The following ZNF69 variants were observed in gnomAD, a reference collection of about 807,000 sequenced individuals.
ZNF69 encodes ZNF3.
ZNF69 carries 47 observed loss-of-function variants against 50.9 expected under a neutral mutation model. The ratio of observed to expected loss-of-function variants is 0.92; its 90% CI spans 0.73 to 1.18. ZNF69 has a LOEUF of 1.18. Among genes scored for constraint, ZNF69 ranks in the 50% most tolerant of loss-of-function variants. The probability of loss-of-function intolerance (pLI) is 0.00; values close to 1 mark genes in which losing one functional copy is unlikely to be tolerated. For synonymous variants in ZNF69, 216 were observed against 223.1 expected, an observed-to-expected ratio of 0.97 and a Z score of 0.29; for missense variants, 717 against 675.1, an observed-to-expected ratio of 1.06 and a Z score of -0.69.
chr19:11,958,871 G>A, the ZNF69 span, among the ~76,000 whole-genome samples: 1 of 152,048 alleles, frequency 6.6e-6, no homozygotes, highest in Non-Finnish European at 1.5e-5. Flanking sequence ...TCATTCGTTT[G>A]TTTGCTCATT....
At chr19:11,945,177 A>T in the ZNF69 span, among the ~76,000 whole-genome samples, 1 of 152,194 alleles carries the variant, frequency 6.6e-6, no homozygotes, top group South Asian at 2.1e-4. Flanking sequence ...CCTTTAACTC[A>T]TGAAAGGCTC....
intron 1 of ZNF69, among the ~76,000 whole-genome samples, chr19:11,891,463 AAG>A (rs1341388372): frequency 6.6e-6 from 1 of 151,676 alleles, no homozygotes; most frequent in Non-Finnish European, 1.5e-5. Context: ...GGAAGGAAGG[AAG>A]AGAGTGATTC....
At chr19:11,963,785 G>A in the ZNF69 span, among the ~76,000 whole-genome samples, 1 of 152,112 alleles carries the variant, frequency 6.6e-6, no homozygotes, top group East Asian at 1.9e-4. Context: ...CCGCGCTGCT[G>A]TAGAGCCCAG....
downstream of ZNF69, among the ~76,000 whole-genome samples, chr19:11,908,369 A>C (rs1972409707): frequency 2.6e-5 from 4 of 152,244 alleles, 1 homozygote; most frequent in South Asian, 8.3e-4. Flanking sequence ...CAGAATATAC[A>C]TTCTTCTCAG....
chr19:11,955,418 A>C, the ZNF69 span, among the ~76,000 whole-genome samples: 1 of 146,282 alleles, frequency 6.8e-6, no homozygotes, highest in African/African-American at 2.5e-5. Flanking sequence ...TTTTGAGACA[A>C]GGTCTGGCTC....
the ZNF69 span, chr19:11,947,655 A>G: frequency 1.1e-5 from 14 of 1,284,000 alleles, no homozygotes; most frequent in Non-Finnish European, 1.4e-5. Context: ...AAGTAAAACA[A>G]AGAACTAAAT....
the ZNF69 span, chr19:11,925,277 C>T: frequency 1.9e-6 from 3 of 1,611,282 alleles, no homozygotes; most frequent in East Asian, 2.2e-5. Context: ...GGAAATGGTG[C>T]GTGTGCGGGA....
At chr19:11,971,653 A>T in the ZNF69 span, among the ~76,000 whole-genome samples, 3 of 152,370 alleles carry the variant, frequency 2.0e-5, no homozygotes, top group East Asian at 5.8e-4. Context: ...TTAAGGACAC[A>T]TGACATTTTT....
chr19:11,958,951 C>T, the ZNF69 span, among the ~76,000 whole-genome samples: 20 of 152,134 alleles, frequency 1.3e-4, no homozygotes, highest in African/African-American at 4.3e-4. Flanking sequence ...GGCGTGATCT[C>T]GGCTCACTGC....
At chr19:11,963,528 G>A in the ZNF69 span, among the ~76,000 whole-genome samples, 1 of 152,070 alleles carries the variant, frequency 6.6e-6, no homozygotes, top group African/African-American at 2.4e-5. Context: ...TCCATAAGGG[G>A]GTGAGCTTGC....
chr19:11,897,786 G>A (rs1170596108), intron 1 of ZNF69, among the ~76,000 whole-genome samples: 2 of 150,298 alleles, frequency 1.3e-5, no homozygotes, highest in African/African-American at 4.9e-5. Context: ...GCAGGAGAAT[G>A]GCATGAACCC....
rs1489241593 is a variant in ZNF69 at position 11,905,583 on chromosome 19, G to A, written c.1186G>A (p.Ala396Thr). 2.5e-6 allele frequency: 4 copies of A among 1,613,886 alleles called. No individual in the cohort carries two copies. The highest frequency in any genetic ancestry group is 3.4e-6 in the Non-Finnish European group (4 of 1,180,004). ...CTATAAATGCAAGCAATGTGGTAAA[G>A]CCTTCATTCATTCCAGTTCCCTTCG... ...KPYKCKQCGKAFIHSSSLRYH... is the reference protein window; with the variant it reads ...KPYKCKQCGKTFIHSSSLRYH... The change falls in exon 4 of 4, where the codon GCC becomes ACC. Residue 396 changes from alanine to threonine, a missense_variant. Transcript: ENST00000429654.
At chr19:11,943,402 G>A in the ZNF69 span, among the ~76,000 whole-genome samples, 2 of 152,202 alleles carry the variant, frequency 1.3e-5, no homozygotes. Flanking sequence ...GGCTAAAACA[G>A]TTAAAGCTCT....
At position 11,905,188 on chromosome 19, in the gene ZNF69, G is replaced by A. The variant is rs565781912; in HGVS notation, c.791G>A (p.Arg264Gln). The change falls in exon 4 of 4, where the codon CGA becomes CAA. Residue 264 changes from arginine to glutamine, a missense_variant. By Grantham distance (43) the Arg-to-Gln change is conservative. Coordinates refer to ENST00000429654, the MANE Select transcript of ZNF69 (RefSeq NM_001364730.1). ...GKSFSYSATLRIHERTHTGEK... is the reference protein window; with the variant it reads ...GKSFSYSATLQIHERTHTGEK... Reference sequence around the variant, plus strand: ...TCCTTTAGTTATTCTGCTACCCTTCGAATACACGAAAGAACTCACACTGGA... The same window carrying A: ...TCCTTTAGTTATTCTGCTACCCTTCAAATACACGAAAGAACTCACACTGGA... 423 of 1,613,958 alleles carry A rather than the reference G, an allele frequency of 2.6e-4. No individual in the cohort carries two copies. The highest frequency in any genetic ancestry group is 3.2e-4 in the Non-Finnish European group (378 of 1,180,000).
At chr19:11,903,087 C>A (rs560221860) in intron 1 of ZNF69, among the ~76,000 whole-genome samples, 23 of 152,112 alleles carry the variant, frequency 1.5e-4, no homozygotes, top group South Asian at 8.3e-4. Flanking sequence ...TAGTGAGCCA[C>A]GATGGTGCCA....
At chr19:11,897,770 G>T (rs1170936509) in intron 1 of ZNF69, among the ~76,000 whole-genome samples, 1 of 150,990 alleles carries the variant, frequency 6.6e-6, no homozygotes, top group African/African-American at 2.4e-5. Flanking sequence ...TACTCGGGAG[G>T]CTGAGGCAGG....
At chr19:11,968,127 G>A in the ZNF69 span, among the ~76,000 whole-genome samples, 1 of 152,146 alleles carries the variant, frequency 6.6e-6, no homozygotes, top group East Asian at 1.9e-4. Flanking sequence ...GTCTCAAGAT[G>A]GAGCTGATTG....
Position 11,906,426 on chromosome 19 carries a change from G to GT in ZNF69, c.*329dup. Reference sequence around the variant, plus strand: ...TAGCCTAACTGGGAGGCACTTCCCAGTAGGGGCCAACTGACACCTCATACG... The same window carrying GT: ...TAGCCTAACTGGGAGGCACTTCCCAGTTAGGGGCCAACTGACACCTCATACG... On this transcript the variant is annotated 3_prime_UTR_variant, in exon 4 of 4. Coordinates refer to ENST00000429654, the MANE Select transcript of ZNF69 (RefSeq NM_001364730.1). The GT allele has an allele frequency of 2.3e-5, 5 of 220,512 alleles. No homozygotes were observed. Among genetic ancestry groups the GT allele is most frequent in the Non-Finnish European group, 3.8e-5 (5 of 130,664 alleles). 13.7% of individuals were successfully genotyped at this position (220,512 alleles called of 1,614,324 possible).
downstream of ZNF69, among the ~76,000 whole-genome samples, chr19:11,909,046 C>A (rs567506463): frequency 6.6e-6 from 1 of 152,204 alleles, no homozygotes; most frequent in Non-Finnish European, 1.5e-5. Context: ...ATAAATACCT[C>A]TATGGAAATA....
Sources: gnomAD v4.1 joint callset for allele counts (sites outside exome capture counted in the v4.1 genomes callset) on GRCh38, gnomAD v4.1.1 for gene constraint, MANE v1.5 for transcripts, NCBI Gene and HGNC (gene_info 2026-07-23, HGNC 2026-07-21) for gene names.